The following FRYL variants were observed in gnomAD, a reference collection of about 807,000 sequenced individuals.
The protein encoded by FRYL is FRY like transcription coactivator, also known as protein furry homolog-like.
A neutral mutation model predicts 351.2 loss-of-function variants in FRYL; 150 were observed. That is an observed-to-expected ratio of 0.43 (90% confidence interval 0.37 to 0.49). The LOEUF (loss-of-function observed/expected upper bound fraction) is 0.49. Among genes scored for constraint, FRYL ranks in the 20% least tolerant of loss-of-function variants. FRYL has a pLI of 0.00. For synonymous variants in FRYL, 1,153 were observed against 1,257.1 expected (o/e 0.92, Z 1.75); for missense variants, 3,036 against 3,619.3 (o/e 0.84, Z 4.13).
intron 53 of FRYL, among the ~76,000 whole-genome samples, chr4:48,526,316 T>G (rs1215288377): frequency 6.6e-6 from 1 of 152,174 alleles, no homozygotes; most frequent in Non-Finnish European, 1.5e-5. Context: ...CAAATCTATT[T>G]GATATAAACT....
intron 10 of FRYL, 83 bp downstream of exon 10, chr4:48,606,355 T>C (rs1746836393): frequency 1.3e-6 from 1 of 758,260 alleles, no homozygotes. Context: ...TTAATTTACG[T>C]GTATTTTGTT....
chr4:48,690,063 ATTTT>A (rs67814663), intron 2 of FRYL, among the ~76,000 whole-genome samples: 2 of 139,798 alleles, frequency 1.4e-5, no homozygotes, highest in African/African-American at 2.6e-5. Context: ...TGCCCAGCTA[ATTTT>A]TTTTTTTTTT....
rs932560911 is a variant in FRYL at position 48,539,861 on chromosome 4, T to G, written c.6393+110A>C. 1.7e-5 allele frequency: 13 copies of G among 747,780 alleles called. No individual in the cohort carries two copies. The Admixed American group carries it at 3.8e-4, about 22-fold the overall frequency. 46.3% of individuals were successfully genotyped at this position (747,780 alleles called of 1,614,324 possible). ...AAAAATAAAAATTTAAATGCAAAAT[T>G]CATATGGGAAGTGACAATAAAAGGA... On this transcript the variant is annotated intron_variant, in intron 47 of 63. Transcript: ENST00000358350.
chr4:48,525,057 A>G (rs1287638782), intron 53 of FRYL, among the ~76,000 whole-genome samples: 1 of 147,206 alleles, frequency 6.8e-6, no homozygotes, highest in Non-Finnish European at 1.5e-5. Flanking sequence ...GGTAACCTAC[A>G]CTTTTTGAAA....
chr4:48,705,312 C>CTA (rs976898466), intron 2 of FRYL, among the ~76,000 whole-genome samples: 26 of 150,102 alleles, frequency 1.7e-4, no homozygotes, highest in African/African-American at 3.7e-4. Context: ...ATATATCTTG[C>CTA]TATATATATA....
rs1239619869 is a variant in FRYL, at chr4:48,534,567, T to C, written c.6683A>G (p.Lys2228Arg). The change falls in exon 49 of 64, where the codon AAG becomes AGG. Residue 2228 changes from lysine (K) to arginine (R), a missense_variant. Physicochemically the swap from Lys to Arg is conservative, Grantham distance 26 (BLOSUM62 2). Transcript: ENST00000358350. ...CACCTGTACATATTTGCCAATAATC[T>C]TTATGATCTCCAGATTAAACTGCTT... Reference protein sequence around the residue: ...PAKQFNLEIIKIIGKYVQSPY... With the variant: ...PAKQFNLEIIRIIGKYVQSPY... 2 of 1,612,562 alleles carry C rather than the reference T, an allele frequency of 1.2e-6. No homozygotes were observed. Among genetic ancestry groups the C allele is most frequent in the African/African-American group, 2.7e-5 (2 of 74,884 alleles).
At chr4:48,530,706 T>A (rs1364329276) in intron 50 of FRYL, among the ~76,000 whole-genome samples, 1 of 152,140 alleles carries the variant, frequency 6.6e-6, no homozygotes, top group Non-Finnish European at 1.5e-5. Context: ...CAAGCCTTCA[T>A]TCACACATTC....
intron 33 of FRYL, among the ~76,000 whole-genome samples, chr4:48,557,922 T>C (rs1328408810): frequency 2.0e-5 from 3 of 152,210 alleles, no homozygotes; most frequent in Non-Finnish European, 4.4e-5. Flanking sequence ...TTATACAAAA[T>C]ACTTTTGGCA....
chr4:48,565,657 G>A lies in FRYL; in HGVS notation c.3204C>T (p.Ser1068=). The A allele has an allele frequency of 1.9e-6, 3 of 1,611,276 alleles. No homozygotes were observed. The highest frequency in any genetic ancestry group is 2.5e-6 in the Non-Finnish European group (3 of 1,179,408). ...ACAGCATAAATAGACTGTGACGAAG[G>A]CTCTGTTGAGGAAAAATACTTCTTC... ...HQRRSIFPQQ[S]LRHSLFMLFS... The change falls in exon 29 of 64, where the codon AGC becomes AGT. Residue 1068 remains serine, a synonymous_variant. Coordinates refer to ENST00000358350, the MANE Select transcript of FRYL (RefSeq NM_015030.2).
chr4:48,720,622 A>G (rs1202232142), intron 1 of FRYL, among the ~76,000 whole-genome samples: 1 of 152,232 alleles, frequency 6.6e-6, no homozygotes, highest in East Asian at 1.9e-4. Context: ...TACAAAACTG[A>G]AACTCTATAC....
chr4:48,768,465 T>C (rs191819284), intron 1 of FRYL, among the ~76,000 whole-genome samples: 1 of 152,134 alleles, frequency 6.6e-6, no homozygotes, highest in Admixed American at 6.5e-5. Context: ...GAGGCGAAAA[T>C]CTTCAGGACC....
intron 42 of FRYL, among the ~76,000 whole-genome samples, chr4:48,545,165 G>T (rs922184799): frequency 6.6e-6 from 1 of 152,192 alleles, no homozygotes; most frequent in Non-Finnish European, 1.5e-5. Flanking sequence ...CAAGTGTGAA[G>T]CATATTGGTT....
chr4:48,696,688 G>A (rs1474073106), intron 2 of FRYL, among the ~76,000 whole-genome samples: 1 of 151,608 alleles, frequency 6.6e-6, no homozygotes, highest in African/African-American at 2.4e-5. Flanking sequence ...GGAACTTAAA[G>A]TATAATAAAA....
At chr4:48,697,534 A>T (rs1380487151) in intron 2 of FRYL, among the ~76,000 whole-genome samples, 1 of 152,144 alleles carries the variant, frequency 6.6e-6, no homozygotes, top group African/African-American at 2.4e-5. Context: ...TCTGTCCCCC[A>T]GGCTGCGGTG....
chr4:48,663,706 C>T (rs1267627486), intron 3 of FRYL, among the ~76,000 whole-genome samples: 11 of 134,354 alleles, frequency 8.2e-5, no homozygotes, highest in Non-Finnish European at 1.5e-4. Context: ...ACCCGGGAGG[C>T]GGAGCTTGCA....
chr4:48,571,749 T>A, intron 26 of FRYL: 1 of 970,918 alleles, frequency 1.0e-6, no homozygotes, highest in Non-Finnish European at 1.2e-6. Flanking sequence ...TGATTTCTTA[T>A]CAGTCTTTGA....
chr4:48,574,991 A>G (rs1190836895), intron 25 of FRYL, 126 bp downstream of exon 25: 1 of 679,158 alleles, frequency 1.5e-6, no homozygotes, highest in African/African-American at 1.8e-5. Flanking sequence ...AATTGGTGAA[A>G]GTCAGGCCTG....
intron 42 of FRYL, 146 bp downstream of exon 42, chr4:48,545,921 T>C: frequency 1.4e-6 from 1 of 712,054 alleles, no homozygotes; most frequent in Non-Finnish European, 2.3e-6. Flanking sequence ...GATTGCATCC[T>C]AATTTTCAAA....
intron 36 of FRYL, among the ~76,000 whole-genome samples, chr4:48,552,605 C>A (rs1430739771): frequency 6.6e-6 from 1 of 151,868 alleles, no homozygotes; most frequent in Non-Finnish European, 1.5e-5. Flanking sequence ...AACTATGAAA[C>A]ATGAATAGGA....
Sources: allele counts gnomAD v4.1 joint callset (sites outside exome capture counted in the v4.1 genomes callset), GRCh38; gene constraint gnomAD v4.1.1; transcripts MANE v1.5; gene names NCBI Gene and HGNC (gene_info 2026-07-23, HGNC 2026-07-21).